DEPDC5: variants seen among roughly 807,000 people sequenced by gnomAD.
The protein encoded by DEPDC5 is DEP domain containing 5, GATOR1 subcomplex subunit.
Under a neutral mutation model 217.3 loss-of-function variants are expected in DEPDC5, and 73 were observed. That is an observed-to-expected ratio of 0.34 (90% CI 0.28 to 0.41). DEPDC5 has a LOEUF of 0.41. DEPDC5 is among the 10% of genes least tolerant of loss of function. The pLI, the probability that DEPDC5 is intolerant of heterozygous loss-of-function variation, is 1.00. For missense variants in DEPDC5, 1,675 were observed against 2,070.1 expected (o/e 0.81, Z 3.70); for synonymous variants, 733 against 756.7 (o/e 0.97, Z 0.51).
chr22:31,835,108 T>C (rs2090899594), intron 25 of DEPDC5, among the ~76,000 whole-genome samples: 1 of 152,156 alleles, frequency 6.6e-6, no homozygotes. Flanking sequence ...GCCCGGGCAA[T>C]ATAGTGAGAC....
intron 31 of DEPDC5, among the ~76,000 whole-genome samples, chr22:31,852,086 AG>A (rs1335984911): frequency 3.3e-5 from 5 of 152,188 alleles, no homozygotes; most frequent in African/African-American, 1.2e-4. Context: ...TGAGCCTGGG[AG>A]GTTGAGGCTA....
At chr22:31,795,319 C>A (rs533117715) in intron 12 of DEPDC5, among the ~76,000 whole-genome samples, 29 of 151,950 alleles carry the variant, frequency 1.9e-4, no homozygotes, top group African/African-American at 6.8e-4. Flanking sequence ...ATCCACCGCC[C>A]TCAGCCACCT....
Position 31,843,691 on chromosome 22 carries a change from C to A in DEPDC5, c.2680C>A (p.Pro894Thr). 6.2e-7 allele frequency: 1 copy of A among 1,613,914 alleles called. No homozygotes were observed. ...AQIHYTYSLC[P>T]SHSDSEFVSC... ...GATCCACTACACCTACAGCCTCTGT[C>A]CTTCCCACTCAGACTCAGAGTTCGT... The change falls in exon 29 of 43, where the codon CCT becomes ACT. Residue 894 changes from proline to threonine, a missense_variant. By Grantham distance (38) the Pro-to-Thr change is conservative. Coordinates refer to ENST00000651528, the MANE Select transcript of DEPDC5 (RefSeq NM_001242896.3).
At chr22:31,759,467 G>A (rs1353077308) in intron 3 of DEPDC5, among the ~76,000 whole-genome samples, 9 of 150,842 alleles carry the variant, frequency 6.0e-5, no homozygotes, top group Admixed American at 2.7e-4. Context: ...TCTGTCTTCC[G>A]GGTTCAAGCC....
intron 20 of DEPDC5, among the ~76,000 whole-genome samples, chr22:31,812,057 C>T (rs1305096911): frequency 5.3e-5 from 8 of 151,628 alleles, no homozygotes; most frequent in Admixed American, 6.6e-5. Flanking sequence ...GCTGCAATCT[C>T]GGCTCACTGC....
chr22:31,905,698 G>A (rs564779455), intron 41 of DEPDC5, among the ~76,000 whole-genome samples: 2 of 152,124 alleles, frequency 1.3e-5, no homozygotes, highest in Admixed American at 6.5e-5. Context: ...GAGTGCAGCC[G>A]GTGGGAAGGC....
chr22:31,888,240 GTTTTTTTTTTTTTT>G (rs71184531), intron 38 of DEPDC5, among the ~76,000 whole-genome samples: 3 of 66,352 alleles, frequency 4.5e-5, no homozygotes, highest in African/African-American at 6.4e-5. Context: ...TTTGTCTGTG[GTTTTTTTTTTTTTT>G]TTTTTTTTTT....
chr22:31,889,430 G>A (rs2093388927), intron 38 of DEPDC5, among the ~76,000 whole-genome samples: 1 of 151,880 alleles, frequency 6.6e-6, no homozygotes, highest in African/African-American at 2.4e-5. Flanking sequence ...AGATGGGAGA[G>A]AAGAGATGCA....
chr22:31,819,250 C>G, intron 22 of DEPDC5, 25 bp downstream of exon 22: 1 of 1,612,772 alleles, frequency 6.2e-7, no homozygotes, highest in South Asian at 1.1e-5. Context: ...TAAGAGAGAG[C>G]CTTGGACTAG....
chr22:31,881,255 TCG>T lies in DEPDC5; in HGVS notation c.4033+1505_4033+1506del, dbSNP rs1278868565. Among the ~76,000 whole-genome samples the T allele has an allele frequency of 3.4e-5, 5 of 147,752 alleles. No individual in the cohort carries two copies. The East Asian group carries it at 9.9e-4, about 29-fold the overall frequency. On this transcript the variant is annotated intron_variant, in intron 38 of 42. Coordinates refer to ENST00000651528, the MANE Select transcript of DEPDC5 (RefSeq NM_001242896.3). ...AGGTGGAGGTTGCAGTGAGCTGAGA[TCG>T]CCCCATTGTACTCTAGAGCGAGACT...
chr22:31,794,863 G>T (rs980042507), intron 12 of DEPDC5, among the ~76,000 whole-genome samples: 1 of 151,878 alleles, frequency 6.6e-6, no homozygotes, highest in Admixed American at 6.6e-5. Context: ...TTTAGCCTGG[G>T]TGACATAGTG....
chr22:31,826,897 G>GTT (rs74267286), intron 24 of DEPDC5, among the ~76,000 whole-genome samples: 211 of 140,278 alleles, frequency 1.5e-3, no homozygotes, highest in South Asian at 7.9e-3. Flanking sequence ...ATTATACATA[G>GTT]TTTTTTTTTT....
chr22:31,837,151 G>A lies in DEPDC5; in HGVS notation c.2350G>A (p.Asp784Asn), dbSNP rs776885208. 5.0e-6 allele frequency: 8 copies of A among 1,614,040 alleles called. No homozygotes were observed. The highest frequency in any genetic ancestry group is 4.5e-5 in the East Asian group (2 of 44,882). Reference sequence around the variant, plus strand: ...TGATCTCCTTCCAGAAGCAGACATCGACAGGTCAGTGTCAGAGAAAAAGGC... The same window carrying A: ...TGATCTCCTTCCAGAAGCAGACATCAACAGGTCAGTGTCAGAGAAAAAGGC... ...CYDLLPEADIDRRDEDGVQMT... is the reference protein window; with the variant it reads ...CYDLLPEADINRRDEDGVQMT... The change falls in exon 26 of 43, where the codon GAC (aspartate) becomes AAC (asparagine). Residue 784 changes from aspartate (D) to asparagine (N), a missense_variant. Asp to Asn is a conservative substitution (Grantham distance 23, BLOSUM62 1). Around this residue, in one of 11 missense-constraint regions of DEPDC5, gnomAD observed 293 missense variants for 386.1 expected, o/e 0.76. Coordinates refer to ENST00000651528, the MANE Select transcript of DEPDC5 (RefSeq NM_001242896.3).
chr22:31,772,774 A>G (rs2083471136), intron 7 of DEPDC5, among the ~76,000 whole-genome samples: 1 of 150,102 alleles, frequency 6.7e-6, no homozygotes, highest in Non-Finnish European at 1.5e-5. Flanking sequence ...TTTTTAAATT[A>G]TATATATATT....
intron 11 of DEPDC5, 127 bp from the exon 12 acceptor site, chr22:31,792,605 CAAAAAAAAAAAAA>C (rs61603320): frequency 1.3e-5 from 2 of 154,156 alleles, no homozygotes; most frequent in African/African-American, 8.8e-5. Context: ...GACCTTGTCT[CAAAAAAAAAAAAA>C]AAAAAAAAAA....
At chr22:31,810,801 G>A in intron 20 of DEPDC5, 160 bp downstream of exon 20, 2 of 1,197,820 alleles carry the variant, frequency 1.7e-6, no homozygotes, top group South Asian at 1.6e-5. Flanking sequence ...TTGAGATGGA[G>A]TTTCGCTCTT....
intron 7 of DEPDC5, 167 bp downstream of exon 7, chr22:31,769,030 G>T (rs1208158208): frequency 4.0e-6 from 3 of 745,286 alleles, no homozygotes; most frequent in East Asian, 2.9e-5. Context: ...GGAGGCCAAG[G>T]TGGGCGGATC....
intron 21 of DEPDC5, among the ~76,000 whole-genome samples, chr22:31,817,789 T>G (rs981639171): frequency 2.6e-5 from 4 of 152,320 alleles, no homozygotes; most frequent in Admixed American, 2.6e-4. Flanking sequence ...ACCTGGCCTG[T>G]ACTCATCTTT....
At chr22:31,897,397 C>G in intron 39 of DEPDC5, 85 bp from the exon 40 acceptor site, 1 of 1,502,636 alleles carries the variant, frequency 6.7e-7, no homozygotes, top group Non-Finnish European at 9.0e-7. Flanking sequence ...TGCTGCCTTT[C>G]TGGCGGGTTT....
Sources: allele counts gnomAD v4.1 joint callset (sites outside exome capture counted in the v4.1 genomes callset), GRCh38; gene constraint gnomAD v4.1.1; regional missense constraint gnomAD v4.1.1; transcripts MANE v1.5; gene names NCBI Gene and HGNC (gene_info 2026-07-23, HGNC 2026-07-21).